The following POTEJ variants were observed in gnomAD, a reference collection of about 807,000 sequenced individuals.
POTEJ encodes POTE ankyrin domain family, member J.
In POTEJ, 11 loss-of-function variants were observed where a neutral mutation model predicts 69.0. The ratio of observed to expected loss-of-function variants is 0.16; its 90% CI spans 0.10 to 0.26. The LOEUF (loss-of-function observed/expected upper bound fraction) is 0.26, where lower values mean the gene tolerates loss of function less well. POTEJ is among the 10% of genes least tolerant of loss of function. The pLI is 1.00. For synonymous variants in POTEJ, 117 were observed against 381.1 expected, an observed-to-expected ratio of 0.31 and a Z score of 8.07; for missense variants, 327 against 1,045.5, an observed-to-expected ratio of 0.31 and a Z score of 9.48.
In POTEJ at chr2:130,657,021, A is replaced by G. The variant is rs532046348; in HGVS notation, c.2261A>G (p.Tyr754Cys). 84 of 1,582,814 alleles carry G rather than the reference A, an allele frequency of 5.3e-5. 5 individuals carry two copies. The highest frequency in any genetic ancestry group is 6.6e-5 in the Non-Finnish European group (76 of 1,157,454). ...DMEKIWHHTF[Y>C]NELRVAPEEH... ...GAGAAGATCTGGCACCACACCTTCT[A>G]CAACGAGCTGCGTGTGGCCCCCGAG... Residue 754 changes from tyrosine to cysteine, a missense_variant, in exon 15 of 15, where the codon TAC becomes TGC. Tyr to Cys is a radical substitution (Grantham distance 194). Transcript: ENST00000409602.
At chr2:130,642,003 T>A (rs1167714133) in intron 10 of POTEJ, among the ~76,000 whole-genome samples, 1 of 151,822 alleles carries the variant, frequency 6.6e-6, no homozygotes, top group East Asian at 1.9e-4. Flanking sequence ...GAGTCACAGC[T>A]GCCAGAAAAG....
At chr2:130,643,579 G>T (rs1020960173) in intron 10 of POTEJ, among the ~76,000 whole-genome samples, 1 of 144,382 alleles carries the variant, frequency 6.9e-6, no homozygotes, top group African/African-American at 2.5e-5. Context: ...AAACATTTTA[G>T]ATATTAGGAA....
At position 130,657,064 on chromosome 2, in the gene POTEJ, G is replaced by C. The variant is rs1328552461; in HGVS notation, c.2304G>C (p.Leu768=). ...RVAPEEHPIL[L]TEAPLNPKAN... Reference sequence around the variant, plus strand: ...CCCCCGAGGAGCACCCCATCCTGCTGACCGAGGCCCCCCTGAACCCCAAGG... The same window carrying C: ...CCCCCGAGGAGCACCCCATCCTGCTCACCGAGGCCCCCCTGAACCCCAAGG... Residue 768 remains leucine, a synonymous_variant, in exon 15 of 15, where the codon CTG becomes CTC. Transcript: ENST00000409602. The C allele has an allele frequency of 1.3e-6, 2 of 1,581,022 alleles. No homozygotes were observed. Among genetic ancestry groups the C allele is most frequent in the East Asian group, 2.2e-5 (1 of 44,886 alleles).
At chr2:130,641,283 C>T (rs1324506962) in intron 10 of POTEJ, among the ~76,000 whole-genome samples, 2 of 152,116 alleles carry the variant, frequency 1.3e-5, no homozygotes, top group African/African-American at 4.8e-5. Flanking sequence ...TGTCACACAT[C>T]CTTGGAGTAG....
chr2:130,624,560 C>T (rs555409611), intron 6 of POTEJ, among the ~76,000 whole-genome samples: 30 of 152,174 alleles, frequency 2.0e-4, no homozygotes, highest in African/African-American at 7.0e-4. Context: ...GTAATATGAG[C>T]CATAGGGAGT....
intron 6 of POTEJ, among the ~76,000 whole-genome samples, chr2:130,627,413 T>C (rs1485839014): frequency 7.2e-6 from 1 of 139,778 alleles, no homozygotes; most frequent in African/African-American, 3.0e-5. Context: ...AATATTGGAG[T>C]TGTTCCTTTT....
rs901844127 is a variant in POTEJ at position 130,623,930 on chromosome 2, T to C, written c.945-134T>C. On this transcript the variant is annotated intron_variant, in intron 5 of 14. Transcript: ENST00000409602. ...AAGAGAAGTTTGTAGAATGTACTCA[T>C]AAGTGGATGGGATAATACTATTAAG... is the stretch of plus-strand genomic sequence containing the variant. The C allele has an allele frequency of 9.9e-6, 5 of 502,812 alleles. 1 individual carries two copies. The highest frequency in any genetic ancestry group is 7.2e-5 in the Admixed American group (2 of 27,788). 31.1% of individuals were successfully genotyped at this position (502,812 alleles called of 1,614,324 possible). A position where few individuals can be genotyped will look rare whatever the true frequency, so the allele number is the denominator to read the frequency against.
At chr2:130,648,321 T>C (rs1686666844) in intron 13 of POTEJ, among the ~76,000 whole-genome samples, 1 of 145,288 alleles carries the variant, frequency 6.9e-6, no homozygotes, top group Non-Finnish European at 1.5e-5. Context: ...TTATGTAAAA[T>C]TTGGAAGCTA....
chr2:130,635,004 A>G (rs1382019678), intron 9 of POTEJ, among the ~76,000 whole-genome samples: 2 of 149,184 alleles, frequency 1.3e-5, no homozygotes, highest in Admixed American at 1.3e-4. Flanking sequence ...TCTCCTCCCT[A>G]ACGGCGTCTT....
chr2:130,627,383 G>A (rs1364241839), intron 6 of POTEJ, among the ~76,000 whole-genome samples: 1 of 144,264 alleles, frequency 6.9e-6, no homozygotes, highest in Non-Finnish European at 1.5e-5. Flanking sequence ...TGGGACAGAT[G>A]AACTTAATGG....
At chr2:130,637,378 G>A (rs1465841446) in intron 9 of POTEJ, among the ~76,000 whole-genome samples, 4 of 150,778 alleles carry the variant, frequency 2.7e-5, no homozygotes, top group Admixed American at 1.3e-4. Context: ...GTGCAGTGGC[G>A]CGATCTCAGT....
At chr2:130,623,912 G>T (rs1270089449) in intron 5 of POTEJ, among the ~76,000 whole-genome samples, 152 bp from the exon 6 acceptor site, 2 of 131,696 alleles carry the variant, frequency 1.5e-5, no homozygotes, top group East Asian at 2.0e-4. Flanking sequence ...TTAAAGAGAA[G>T]TTTGTAGAAT....
At chr2:130,611,304 G>T (rs1225265757), upstream of POTEJ, among the ~76,000 whole-genome samples, 1 of 142,774 alleles carries the variant, frequency 7.0e-6, no homozygotes, top group African/African-American at 2.8e-5. Flanking sequence ...TTTCTTGGGG[G>T]GGGGGGGGTT....
At chr2:130,652,339 A>C (rs895453802) in intron 13 of POTEJ, among the ~76,000 whole-genome samples, 1 of 128,856 alleles carries the variant, frequency 7.8e-6, no homozygotes, top group African/African-American at 3.0e-5. Flanking sequence ...TGAATTACCC[A>C]GTCTCAGCTA....
chr2:130,646,706 T>A (rs1342684384), intron 13 of POTEJ, among the ~76,000 whole-genome samples: 9 of 137,242 alleles, frequency 6.6e-5, no homozygotes, highest in East Asian at 2.0e-4. Flanking sequence ...GCCATGCTCC[T>A]CCCTCAAGTA....
At chr2:130,652,255 C>G (rs1422823776) in intron 13 of POTEJ, among the ~76,000 whole-genome samples, 6 of 136,980 alleles carry the variant, frequency 4.4e-5, no homozygotes, top group African/African-American at 1.7e-4. Flanking sequence ...TGAGGCCTCC[C>G]CAGCCATGCG....
chr2:130,625,989 G>A lies in POTEJ; in HGVS notation c.1015+1855G>A, dbSNP rs1451909824. ...TTTCCCTCTTTCAGCTGTGCTGTTG[G>A]CAGTGTTTTATTCACGTCTCCTTTC... On this transcript the variant is annotated intron_variant, in intron 6 of 14. Transcript: ENST00000409602. 1.3e-3 allele frequency among the ~76,000 whole-genome samples: 183 copies of A among 139,542 alleles called. 1 individual carries two copies. Among genetic ancestry groups the A allele is most frequent in the African/African-American group, 1.9e-3 (63 of 33,652 alleles). The allele number at this position is 139,542 out of a possible 152,430, so 91.5% of individuals were successfully genotyped here.
At chr2:130,619,212 GC>G (rs1312284878) in intron 3 of POTEJ, among the ~76,000 whole-genome samples, 1 of 150,188 alleles carries the variant, frequency 6.7e-6, no homozygotes, top group East Asian at 2.0e-4. Flanking sequence ...TGTGAGTATG[GC>G]CCTCTCAGGA....
chr2:130,634,120 C>T (rs1381049130), intron 9 of POTEJ, among the ~76,000 whole-genome samples: 1 of 152,196 alleles, frequency 6.6e-6, no homozygotes, highest in Non-Finnish European at 1.5e-5. Context: ...TGGCTGTGTT[C>T]CAAAATACTT....
Sources: allele counts gnomAD v4.1 joint callset (sites outside exome capture counted in the v4.1 genomes callset), GRCh38; gene constraint gnomAD v4.1.1; transcripts MANE v1.5; gene names NCBI Gene and HGNC (gene_info 2026-07-23, HGNC 2026-07-21).